DLGAP2: variants seen among roughly 807,000 people sequenced by gnomAD.
The protein encoded by DLGAP2 is disks large-associated protein 2.
A neutral mutation model predicts 100.3 loss-of-function variants in DLGAP2; 26 were observed. The observed-to-expected ratio is 0.26, with a 90% CI of 0.19 to 0.36. DLGAP2 has a LOEUF of 0.36. Among genes scored for constraint, DLGAP2 ranks in the 10% least tolerant of loss-of-function variants. The probability of loss-of-function intolerance (pLI) is 1.00; values close to 1 mark genes in which losing one functional copy is unlikely to be tolerated. For synonymous variants in DLGAP2, 886 were observed against 630.1 expected (o/e 1.41, Z -6.08); for missense variants, 1,858 against 1,453.2 (o/e 1.28, Z -4.53).
intron 1 of DLGAP2, among the ~76,000 whole-genome samples, chr8:773,326 C>G (rs754497688): frequency 1.6e-3 from 228 of 146,930 alleles, no homozygotes; most frequent in Non-Finnish European, 2.7e-3. Context: ...TTAATCACTT[C>G]TTTTTTTTTT....
intron 4 of DLGAP2, among the ~76,000 whole-genome samples, chr8:1,535,027 A>G (rs530492091): frequency 6.6e-6 from 1 of 152,324 alleles, no homozygotes; most frequent in Non-Finnish European, 1.5e-5. Context: ...CGTTCATTTC[A>G]TTAAGCTCTT....
At chr8:1,422,475 C>G (rs755797174) in intron 3 of DLGAP2, among the ~76,000 whole-genome samples, 15 of 152,056 alleles carry the variant, frequency 9.9e-5, no homozygotes, top group Middle Eastern at 3.4e-3. Context: ...CCAGGGAAAC[C>G]TCTCCTGTCT....
At chr8:1,030,020 C>T (rs1443639450) in intron 2 of DLGAP2, among the ~76,000 whole-genome samples, 4 of 152,136 alleles carry the variant, frequency 2.6e-5, no homozygotes, top group Admixed American at 1.3e-4. Context: ...GGGGAGGAGC[C>T]ATGGAATAGG....
At chr8:949,542 G>T in intron 2 of DLGAP2, among the ~76,000 whole-genome samples, 1 of 152,184 alleles carries the variant, frequency 6.6e-6, no homozygotes, top group South Asian at 2.1e-4. Flanking sequence ...TCGGGCCAGT[G>T]CCTGCCGGGG....
rs1024343653 is a variant in DLGAP2, at chr8:1,504,058, G to C, written c.172+2627G>C. Among the ~76,000 whole-genome samples the C allele has an allele frequency of 3.9e-5, 6 of 151,952 alleles. 1 individual carries two copies. The highest frequency in any genetic ancestry group is 4.4e-5 in the Non-Finnish European group (3 of 68,024). ...TCCAGGGAGGCCTTTTAGCCCATTCGTGCAAATATTAGGTCTTGACCCTGG... is the reference window on the plus strand; with the variant it reads ...TCCAGGGAGGCCTTTTAGCCCATTCCTGCAAATATTAGGTCTTGACCCTGG... On this transcript the variant is annotated intron_variant, in intron 4 of 14. Transcript: ENST00000637795.
rs1803463460 is a variant in DLGAP2 at position 1,072,446 on chromosome 8, G to A, written c.73+164480G>A. The stretch of plus-strand genomic sequence containing the variant: ...ACTGGGTGTCCTCCAATGTAAGAAT[G>A]TTCTTGGAGACTTGAAATGCAGAGT... On this transcript the variant is annotated intron_variant, in intron 2 of 14. Transcript: ENST00000637795. 3.9e-5 allele frequency among the ~76,000 whole-genome samples: 6 copies of A among 152,196 alleles called. No homozygotes were observed. In the South Asian group the frequency reaches 1.2e-3, roughly 32 times the overall value.
intron 4 of DLGAP2, among the ~76,000 whole-genome samples, chr8:1,515,499 C>T (rs1391660315): frequency 6.6e-6 from 1 of 150,846 alleles, no homozygotes; most frequent in Non-Finnish European, 1.5e-5. Flanking sequence ...CAGAAATGTG[C>T]ACACACACAC....
intron 6 of DLGAP2, among the ~76,000 whole-genome samples, chr8:1,585,558 T>C (rs1319367329): frequency 6.6e-6 from 1 of 152,206 alleles, no homozygotes; most frequent in African/African-American, 2.4e-5. Context: ...GAAAAACACA[T>C]AATCCACAGA....
intron 2 of DLGAP2, among the ~76,000 whole-genome samples, chr8:1,039,309 G>C (rs1396494804): frequency 6.8e-6 from 1 of 147,612 alleles, no homozygotes; most frequent in African/African-American, 2.6e-5. Context: ...TCCATGGTCA[G>C]CTCGGTGTGC....
intron 10 of DLGAP2, among the ~76,000 whole-genome samples, chr8:1,674,885 A>C (rs1300187692): frequency 6.6e-6 from 1 of 152,254 alleles, no homozygotes; most frequent in East Asian, 1.9e-4. Flanking sequence ...ACAGACATGG[A>C]ATTTTAAATG....
At chr8:1,606,188 G>C (rs370223803) in intron 6 of DLGAP2, among the ~76,000 whole-genome samples, 2 of 152,020 alleles carry the variant, frequency 1.3e-5, no homozygotes, top group African/African-American at 4.8e-5. Flanking sequence ...CTGAACGTAC[G>C]GTTCATTTCA....
chr8:1,357,976 A>G (rs1427342971), intron 3 of DLGAP2, among the ~76,000 whole-genome samples: 3 of 152,142 alleles, frequency 2.0e-5, no homozygotes, highest in African/African-American at 4.8e-5. Flanking sequence ...GACAGACCCA[A>G]TCGACTTAGA....
chr8:771,113 A>G (rs538430631), intron 1 of DLGAP2, among the ~76,000 whole-genome samples: 1 of 152,286 alleles, frequency 6.6e-6, no homozygotes, highest in South Asian at 2.1e-4. Flanking sequence ...CTGGGGTCAG[A>G]ATCAAGTAGT....
At chr8:792,089 T>A (rs150942399) in intron 1 of DLGAP2, among the ~76,000 whole-genome samples, 2 of 152,246 alleles carry the variant, frequency 1.3e-5, no homozygotes, top group African/African-American at 4.8e-5. Context: ...TCATGTTTTC[T>A]ACTTTGATGA....
chr8:1,133,514 T>C (rs1013739455), intron 2 of DLGAP2, among the ~76,000 whole-genome samples: 3 of 152,204 alleles, frequency 2.0e-5, no homozygotes, highest in African/African-American at 7.2e-5. Flanking sequence ...TAAGTCCAAC[T>C]TTATCAGAAA....
intron 2 of DLGAP2, among the ~76,000 whole-genome samples, chr8:1,107,316 C>T (rs1260902172): frequency 6.6e-6 from 1 of 152,174 alleles, no homozygotes; most frequent in African/African-American, 2.4e-5. Context: ...CACTCCAGGG[C>T]TGGGAGGCTG....
intron 1 of DLGAP2, among the ~76,000 whole-genome samples, chr8:824,871 A>C (rs902338258): frequency 1.3e-5 from 2 of 151,812 alleles, no homozygotes; most frequent in African/African-American, 4.8e-5. Context: ...TCACTGGAGC[A>C]CCCCGCATTG....
chr8:1,597,490 C>G (rs1324744292), intron 6 of DLGAP2, among the ~76,000 whole-genome samples: 1 of 152,078 alleles, frequency 6.6e-6, no homozygotes, highest in Non-Finnish European at 1.5e-5. Context: ...TTGGTTCTTC[C>G]TATCCATGAT....
intron 3 of DLGAP2, among the ~76,000 whole-genome samples, chr8:1,309,614 C>G (rs185129642): frequency 2.0e-5 from 3 of 152,130 alleles, no homozygotes; most frequent in African/African-American, 7.2e-5. Flanking sequence ...AAAAGGACAG[C>G]GGCATTAGCT....
Sources: gnomAD v4.1 joint callset for allele counts (sites outside exome capture counted in the v4.1 genomes callset) on GRCh38, gnomAD v4.1.1 for gene constraint, MANE v1.5 for transcripts, NCBI Gene and HGNC (gene_info 2026-07-23, HGNC 2026-07-21) for gene names.